The following CNBD1 variants were observed in gnomAD, a reference collection of about 807,000 sequenced individuals.
CNBD1 encodes cyclic nucleotide-binding domain-containing protein 1.
Under a neutral mutation model 54.4 loss-of-function variants are expected in CNBD1, and 71 were observed. The ratio of observed to expected loss-of-function variants is 1.30; its 90% confidence interval spans 1.08 to 1.59. The LOEUF is 1.59. Ranked by LOEUF, CNBD1 falls within the 40% of genes most tolerant of loss-of-function variation. The probability of loss-of-function intolerance (pLI) is 0.00; values close to 1 mark genes in which losing one functional copy is unlikely to be tolerated. For missense variants in CNBD1, 659 were observed against 518.0 expected (o/e 1.27, Z -2.64); for synonymous variants, 182 against 170.7 (o/e 1.07, Z -0.51).
At chr8:86,982,636 G>A (rs1408177254) in intron 4 of CNBD1, among the ~76,000 whole-genome samples, 1 of 152,174 alleles carries the variant, frequency 6.6e-6, no homozygotes, top group African/African-American at 2.4e-5. Context: ...TTTATGTTAT[G>A]TAAATCCAAA....
At chr8:87,298,510 A>G (rs1454725564) in intron 8 of CNBD1, among the ~76,000 whole-genome samples, 1 of 137,334 alleles carries the variant, frequency 7.3e-6, no homozygotes, top group Non-Finnish European at 1.5e-5. Context: ...TTTGAGATGG[A>G]GCCTCTCACT....
At chr8:87,418,264 A>G (rs1275482721) in intron 2 of CNBD1, among the ~76,000 whole-genome samples, 1 of 152,038 alleles carries the variant, frequency 6.6e-6, no homozygotes, top group Non-Finnish European at 1.5e-5. Flanking sequence ...ATTTTCAACA[A>G]GAACACCAAG....
chr8:87,371,604 C>T (rs1042217692), intron 10 of CNBD1, among the ~76,000 whole-genome samples: 7 of 151,958 alleles, frequency 4.6e-5, no homozygotes, highest in African/African-American at 7.2e-5. Context: ...TACTGGCAAA[C>T]TGAATCCAGC....
chr8:87,135,626 AATATATATTACATATTATATATCCT>A (rs2130731510), intron 4 of CNBD1, among the ~76,000 whole-genome samples: 1 of 148,072 alleles, frequency 6.8e-6, no homozygotes, highest in South Asian at 2.1e-4. Context: ...ATATCTATGC[AATATATATTACATATTATATATCCT>A]ATATATAATA....
rs76323736 is a variant in CNBD1, at chr8:87,117,346, C to A, written c.432-88647C>A. Among the ~76,000 whole-genome samples the A allele has an allele frequency of 4.7e-5, 7 of 149,376 alleles. No homozygotes were observed. In the East Asian group the frequency reaches 1.4e-3, roughly 29 times the overall value. On this transcript the variant is annotated intron_variant, in intron 4 of 10. Coordinates refer to ENST00000518476, the MANE Select transcript of CNBD1 (RefSeq NM_173538.3). ...CCCAGGAGGCAGAGGTTGCAGTGAG[C>A]CGAGACCGTGCCACTGCACTCCAGC...
chr8:87,404,347 A>T (rs1367273001), intron 2 of CNBD1, among the ~76,000 whole-genome samples: 1 of 152,052 alleles, frequency 6.6e-6, no homozygotes, highest in Non-Finnish European at 1.5e-5. Context: ...ATGTTACCTC[A>T]GTTGGTGCTT....
chr8:87,065,036 C>A (rs1810620477), intron 4 of CNBD1, among the ~76,000 whole-genome samples: 1 of 151,846 alleles, frequency 6.6e-6, no homozygotes, highest in Non-Finnish European at 1.5e-5. Context: ...CTCAGAAATT[C>A]TCCATCTATG....
intron 10 of CNBD1, among the ~76,000 whole-genome samples, chr8:87,381,735 C>T (rs898139492): frequency 6.6e-6 from 1 of 151,858 alleles, no homozygotes; most frequent in Non-Finnish European, 1.5e-5. Flanking sequence ...CATTATGCTA[C>T]ATGAAATAAG....
chr8:87,388,395 A>G (rs1317055547), intron 2 of CNBD1, among the ~76,000 whole-genome samples: 3 of 151,990 alleles, frequency 2.0e-5, no homozygotes, highest in South Asian at 2.1e-4. Context: ...TCAAATAGAC[A>G]CAATAAAAAA....
At chr8:87,207,134 A>C (rs1006810663) in intron 5 of CNBD1, among the ~76,000 whole-genome samples, 43 of 152,180 alleles carry the variant, frequency 2.8e-4, no homozygotes, top group Non-Finnish European at 3.4e-4. Context: ...GGGATAAAAT[A>C]ATTTTGAAAG....
chr8:87,425,996 C>T (rs1481704851), intron 2 of CNBD1, among the ~76,000 whole-genome samples: 2 of 152,214 alleles, frequency 1.3e-5, no homozygotes, highest in African/African-American at 4.8e-5. Context: ...ACCCTCTGAG[C>T]CAGGTGCAGG....
At position 86,976,849 on chromosome 8, in the gene CNBD1, A is replaced by G. The variant is rs114916797; in HGVS notation, c.431+37095A>G. Among the ~76,000 whole-genome samples, 360 of 152,140 alleles carry G rather than the reference A, an allele frequency of 2.4e-3. 2 individuals are homozygous for G. The highest frequency in any genetic ancestry group is 8.4e-3 in the African/African-American group (351 of 41,566). On this transcript the variant is annotated intron_variant, in intron 4 of 10. Coordinates refer to ENST00000518476, the MANE Select transcript of CNBD1 (RefSeq NM_173538.3). ...TATAAATAGTTTTTAGAAAGTAGAA[A>G]TGATACTGATTGCTTTATGTTGGTT...
intron 4 of CNBD1, among the ~76,000 whole-genome samples, chr8:87,158,884 A>G (rs1812798700): frequency 6.6e-6 from 1 of 152,194 alleles, no homozygotes; most frequent in Non-Finnish European, 1.5e-5. Context: ...TGTTAATGCA[A>G]GCGACATCAT....
At chr8:87,355,897 T>C (rs1029836115) in intron 10 of CNBD1, among the ~76,000 whole-genome samples, 1 of 152,158 alleles carries the variant, frequency 6.6e-6, no homozygotes, top group Non-Finnish European at 1.5e-5. Context: ...GGATCCTTTA[T>C]GAATGGCTTA....
At chr8:87,029,948 A>G (rs1809745477) in intron 4 of CNBD1, among the ~76,000 whole-genome samples, 1 of 152,158 alleles carries the variant, frequency 6.6e-6, no homozygotes, top group African/African-American at 2.4e-5. Context: ...TTTATATAGT[A>G]ATGAAGTCAC....
chr8:87,269,231 A>G (rs1808318147), intron 6 of CNBD1, among the ~76,000 whole-genome samples: 1 of 152,006 alleles, frequency 6.6e-6, no homozygotes, highest in Non-Finnish European at 1.5e-5. Context: ...TGGTGGCTGT[A>G]GGTATATGGC....
chr8:87,128,893 C>A (rs1456712974), intron 4 of CNBD1, among the ~76,000 whole-genome samples: 3 of 147,538 alleles, frequency 2.0e-5, no homozygotes, highest in Non-Finnish European at 3.0e-5. Context: ...ACCATCCTGG[C>A]CAACATGGTG....
At chr8:87,110,534 A>G (rs1288776187) in intron 4 of CNBD1, among the ~76,000 whole-genome samples, 1 of 152,186 alleles carries the variant, frequency 6.6e-6, no homozygotes, top group African/African-American at 2.4e-5. Flanking sequence ...TGTCGTTTAC[A>G]TTGGAGGAGT....
At chr8:87,027,306 T>C (rs1328779111) in intron 4 of CNBD1, among the ~76,000 whole-genome samples, 1 of 152,154 alleles carries the variant, frequency 6.6e-6, no homozygotes, top group Admixed American at 6.5e-5. Context: ...GGAATCTTGC[T>C]CTGTTGCCAG....
Sources: gnomAD v4.1 joint callset for allele counts (sites outside exome capture counted in the v4.1 genomes callset) on GRCh38, gnomAD v4.1.1 for gene constraint, MANE v1.5 for transcripts, NCBI Gene and HGNC (gene_info 2026-07-23, HGNC 2026-07-21) for gene names.